Variants in ST18 observed in about 807,000 individuals in gnomAD.
ST18 encodes the protein suppression of tumorigenicity 18 protein.
Under a neutral mutation model 110.0 loss-of-function variants are expected in ST18, and 50 were observed. The observed-to-expected ratio is 0.45, with a 90% CI of 0.36 to 0.58. The LOEUF (loss-of-function observed/expected upper bound fraction) is 0.58, where lower values mean the gene tolerates loss of function less well. Among genes scored for constraint, ST18 ranks in the 20% least tolerant of loss-of-function variants. The pLI is 0.00. For missense variants in ST18, 1,306 were observed against 1,280.1 expected (o/e 1.02, Z -0.31); for synonymous variants, 461 against 452.4 (o/e 1.02, Z -0.24).
At chr8:52,358,854 A>G (rs917381293) in intron 2 of ST18, among the ~76,000 whole-genome samples, 3 of 151,996 alleles carry the variant, frequency 2.0e-5, no homozygotes, top group Non-Finnish European at 4.4e-5. Flanking sequence ...AATGCATCCC[A>G]ACTCATTCTA....
At chr8:52,211,789 G>A (rs1352913418) in intron 8 of ST18, among the ~76,000 whole-genome samples, 5 of 152,160 alleles carry the variant, frequency 3.3e-5, no homozygotes. Flanking sequence ...CGCATGCAAG[G>A]TGTGCACAAA....
rs769351711 is a variant in ST18 at position 52,164,087 on chromosome 8, A to T, written c.1299T>A (p.Leu433=). ...VNSNRNTHRS[L]SGCPIAAAEK... ...CAGCTGCAGCAATTGGACAACCAGA[A>T]AGACTGTTTAAAAAAAGAAACACAG... Residue 433 remains leucine (L), a synonymous_variant, in exon 13 of 26, where the codon CTT becomes CTA. Coordinates refer to ENST00000689386, the MANE Select transcript of ST18 (RefSeq NM_001352837.2). 6.2e-7 allele frequency: 1 copy of T among 1,613,578 alleles called. No homozygotes were observed. Among genetic ancestry groups the T allele is most frequent in the South Asian group, 1.1e-5 (1 of 91,038 alleles).
intron 22 of ST18, among the ~76,000 whole-genome samples, chr8:52,130,944 A>G (rs1192668177): frequency 6.6e-6 from 1 of 152,262 alleles, no homozygotes; most frequent in African/African-American, 2.4e-5. Context: ...ATATGAAATA[A>G]TAATTCAAAT....
chr8:52,348,046 A>G (rs1286690987), intron 2 of ST18, among the ~76,000 whole-genome samples: 2 of 152,180 alleles, frequency 1.3e-5, no homozygotes, highest in African/African-American at 4.8e-5. Context: ...CATGAGCCAG[A>G]TGTGGACTAC....
intron 2 of ST18, among the ~76,000 whole-genome samples, chr8:52,245,401 T>A (rs1046701729): frequency 6.6e-6 from 1 of 152,158 alleles, no homozygotes; most frequent in Non-Finnish European, 1.5e-5. Flanking sequence ...CAAACATGAA[T>A]TCACTCATAT....
Position 52,167,004 on chromosome 8 carries a change from T to A in ST18, c.1070-18A>T, listed in dbSNP as rs1190947723. Reference sequence around the variant, plus strand: ...TGGTGAATCTATGGAGAAATTCAATTGAGAAATGCATTTGGTTATTCTTGC... The same window carrying A: ...TGGTGAATCTATGGAGAAATTCAATAGAGAAATGCATTTGGTTATTCTTGC... On this transcript the variant is annotated intron_variant, in intron 10 of 25. Transcript: ENST00000689386. The A allele has an allele frequency of 6.3e-7, 1 of 1,594,442 alleles. No homozygotes were observed. Among genetic ancestry groups the A allele is most frequent in the Non-Finnish European group, 8.6e-7 (1 of 1,166,356 alleles).
chr8:52,239,520 G>T (rs1296217492), intron 2 of ST18, among the ~76,000 whole-genome samples: 1 of 152,038 alleles, frequency 6.6e-6, no homozygotes, highest in African/African-American at 2.4e-5. Context: ...TTGGGTATGA[G>T]AAGATGAGCC....
rs202033734 is a variant in ST18 at position 52,246,202 on chromosome 8, T to C, written c.-464-16125A>G. On this transcript the variant is annotated intron_variant, in intron 2 of 25. Coordinates refer to ENST00000689386, the MANE Select transcript of ST18 (RefSeq NM_001352837.2). ...GGTTCAAGATTCTTTACATAGGTGA[T>C]AAAAATAAATAAATTAAATATTTTT... Among the ~76,000 whole-genome samples, 3 of 151,984 alleles carry C rather than the reference T, an allele frequency of 2.0e-5. No individual in the cohort carries two copies. In the South Asian group the frequency reaches 6.2e-4, roughly 32 times the overall value.
chr8:52,387,249 C>T (rs1235517197), intron 2 of ST18, among the ~76,000 whole-genome samples: 1 of 152,152 alleles, frequency 6.6e-6, no homozygotes, highest in African/African-American at 2.4e-5. Flanking sequence ...ATTATCATCT[C>T]TAAATCTCTT....
At chr8:52,310,989 A>C (rs2095896645) in intron 2 of ST18, among the ~76,000 whole-genome samples, 1 of 152,222 alleles carries the variant, frequency 6.6e-6, no homozygotes, top group Non-Finnish European at 1.5e-5. Flanking sequence ...GGTCAGCTTC[A>C]AGATATATTC....
intron 2 of ST18, among the ~76,000 whole-genome samples, chr8:52,300,848 G>A (rs1394053528): frequency 6.6e-6 from 1 of 151,978 alleles, no homozygotes; most frequent in African/African-American, 2.4e-5. Context: ...CTAACTCCTG[G>A]TAAAAAACAA....
At chr8:52,319,772 G>T (rs1803072330) in intron 2 of ST18, among the ~76,000 whole-genome samples, 1 of 152,132 alleles carries the variant, frequency 6.6e-6, no homozygotes. Flanking sequence ...TCATCTGAAG[G>T]TTCAATCAGG....
chr8:52,250,580 A>G (rs1274250664), intron 2 of ST18, among the ~76,000 whole-genome samples: 2 of 151,572 alleles, frequency 1.3e-5, no homozygotes, highest in Admixed American at 6.6e-5. Context: ...GAACCTTTAT[A>G]GTAAATCCAA....
intron 19 of ST18, among the ~76,000 whole-genome samples, chr8:52,135,920 G>A (rs937853992): frequency 3.3e-5 from 5 of 152,118 alleles, no homozygotes; most frequent in Non-Finnish European, 7.4e-5. Flanking sequence ...GTAAAAAGAT[G>A]TAATTAGTTT....
At chr8:52,277,296 A>G (rs1564396108) in intron 2 of ST18, among the ~76,000 whole-genome samples, 1 of 152,280 alleles carries the variant, frequency 6.6e-6, no homozygotes, top group South Asian at 2.1e-4. Context: ...ACTCCTGCTC[A>G]TCTCGACCCT....
intron 2 of ST18, among the ~76,000 whole-genome samples, chr8:52,236,117 G>A (rs2092625312): frequency 6.6e-6 from 1 of 152,182 alleles, no homozygotes; most frequent in Non-Finnish European, 1.5e-5. Flanking sequence ...GTCTAAAGGA[G>A]GCAACAGGTA....
chr8:52,138,527 T>G (rs1349355488), intron 17 of ST18, among the ~76,000 whole-genome samples: 1 of 152,186 alleles, frequency 6.6e-6, no homozygotes, highest in Admixed American at 6.5e-5. Context: ...GAGCCTGCAG[T>G]GAGCTATGAT....
In ST18 at chr8:52,386,210, T is replaced by C. The variant is rs528856645; in HGVS notation, c.-465+23118A>G. 1.5e-3 allele frequency among the ~76,000 whole-genome samples: 221 copies of C among 152,324 alleles called. 2 individuals carry two copies. Among genetic ancestry groups the C allele is most frequent in the African/African-American group, 4.9e-3 (205 of 41,580 alleles). ...GAAAATTACCTTTATAAAGCATGTT[T>C]AATGCCATGGTAGAATTTATATTAT... On this transcript the variant is annotated intron_variant, in intron 2 of 25. Transcript: ENST00000689386.
chr8:52,315,231 C>T (rs954025311), intron 2 of ST18, among the ~76,000 whole-genome samples: 5 of 152,166 alleles, frequency 3.3e-5, no homozygotes, highest in African/African-American at 7.2e-5. Flanking sequence ...AAGGCTTTGC[C>T]GTATTTCCAT....
Sources: allele counts gnomAD v4.1 joint callset (sites outside exome capture counted in the v4.1 genomes callset), GRCh38; gene constraint gnomAD v4.1.1; transcripts MANE v1.5; gene names NCBI Gene and HGNC (gene_info 2026-07-23, HGNC 2026-07-21).